NCOA1: variants seen among roughly 807,000 people sequenced by gnomAD.
NCOA1 encodes nuclear receptor coactivator 1, also known as Hin-2 protein.
In NCOA1, 35 loss-of-function variants were observed where a neutral mutation model predicts 150.9. The observed-to-expected ratio is 0.23, with a 90% CI of 0.18 to 0.31. The LOEUF is 0.31. NCOA1 is among the 10% of genes least tolerant of loss of function. The pLI is 1.00. For synonymous variants in NCOA1, 590 were observed against 630.0 expected (o/e 0.94, Z 0.95); for missense variants, 1,491 against 1,749.3 (o/e 0.85, Z 2.63).
At chr2:24,523,152 T>C (rs993190196) in intron 1 of NCOA1, among the ~76,000 whole-genome samples, 1 of 152,248 alleles carries the variant, frequency 6.6e-6, no homozygotes, top group Non-Finnish European at 1.5e-5. Flanking sequence ...CTTCATGGAC[T>C]GTGTCCTTCG....
intron 2 of NCOA1, among the ~76,000 whole-genome samples, chr2:24,576,159 T>TG (rs202082395): frequency 0.038 from 3,631 of 94,514 alleles, 129 homozygotes; most frequent in African/African-American, 0.051. Context: ...GTTTTTTTTT[T>TG]TTTGTTTTTT....
intron 3 of NCOA1, among the ~76,000 whole-genome samples, chr2:24,595,796 G>T (rs765658495): frequency 1.3e-5 from 2 of 152,090 alleles, no homozygotes; most frequent in Non-Finnish European, 2.9e-5. Context: ...GCAGGTATTA[G>T]TATTTGAATA....
At chr2:24,661,002 A>G (rs1362294590) in intron 5 of NCOA1, among the ~76,000 whole-genome samples, 1 of 152,128 alleles carries the variant, frequency 6.6e-6, no homozygotes, top group Non-Finnish European at 1.5e-5. Flanking sequence ...TGGAGGTTGC[A>G]GTGAGCCAAA....
chr2:24,650,470 G>A (rs1354926114), intron 4 of NCOA1, among the ~76,000 whole-genome samples: 1 of 152,048 alleles, frequency 6.6e-6, no homozygotes, highest in Admixed American at 6.6e-5. Flanking sequence ...ATACTGTAAA[G>A]AAAATGAAAA....
intron 1 of NCOA1, among the ~76,000 whole-genome samples, chr2:24,552,712 A>G (rs1185954604): frequency 1.3e-5 from 2 of 151,870 alleles, no homozygotes; most frequent in East Asian, 3.9e-4. Flanking sequence ...ATTTTGTTAT[A>G]TTCTATCTCT....
intron 19 of NCOA1, among the ~76,000 whole-genome samples, chr2:24,751,564 CAG>C (rs1664242369): frequency 6.8e-6 from 1 of 148,012 alleles, no homozygotes; most frequent in Admixed American, 6.7e-5. Flanking sequence ...GCCTGGGTGA[CAG>C]AGCAAGACTC....
chr2:24,555,025 A>AC (rs1411532582), intron 1 of NCOA1, among the ~76,000 whole-genome samples: 6 of 152,228 alleles, frequency 3.9e-5, no homozygotes, highest in South Asian at 2.1e-4. Context: ...ACAGACACAC[A>AC]CGAGGAGTTT....
At chr2:24,727,583 G>A (rs553627730) in intron 15 of NCOA1, among the ~76,000 whole-genome samples, 2 of 152,254 alleles carry the variant, frequency 1.3e-5, no homozygotes, top group Non-Finnish European at 2.9e-5. Context: ...GTGGTTTAGC[G>A]CCTTAACTAT....
chr2:24,609,687 G>A (rs1668534786), intron 3 of NCOA1, among the ~76,000 whole-genome samples: 1 of 151,234 alleles, frequency 6.6e-6, no homozygotes, highest in South Asian at 2.1e-4. Context: ...TTGTGCATTT[G>A]ATTTCTGTTT....
intron 2 of NCOA1, among the ~76,000 whole-genome samples, chr2:24,569,803 G>T (rs1666665980): frequency 6.7e-6 from 1 of 149,972 alleles, no homozygotes; most frequent in Admixed American, 6.6e-5. Flanking sequence ...CCTGGGGGCG[G>T]AGGTTGCAGT....
chr2:24,495,292 T>G (rs931595041), intron 1 of NCOA1, among the ~76,000 whole-genome samples: 1 of 152,178 alleles, frequency 6.6e-6, no homozygotes, highest in Non-Finnish European at 1.5e-5. Context: ...GTATCCATGC[T>G]TCTTCCCCCA....
At chr2:24,761,710 T>C (rs1664800957) in intron 21 of NCOA1, among the ~76,000 whole-genome samples, 1 of 152,230 alleles carries the variant, frequency 6.6e-6, no homozygotes, top group South Asian at 2.1e-4. Flanking sequence ...TTTATATTCC[T>C]ACAAATATTC....
intron 17 of NCOA1, among the ~76,000 whole-genome samples, chr2:24,738,286 T>C (rs1663428382): frequency 6.6e-6 from 1 of 151,344 alleles, no homozygotes; most frequent in Admixed American, 6.6e-5. Flanking sequence ...ATTTATGATA[T>C]ATAAGTATAT....
intron 7 of NCOA1, among the ~76,000 whole-genome samples, chr2:24,677,620 C>T (rs1364553702): frequency 3.3e-5 from 5 of 152,094 alleles, no homozygotes; most frequent in Admixed American, 6.5e-5. Flanking sequence ...AATGGGGTTT[C>T]GCCATGTTGG....
intron 2 of NCOA1, among the ~76,000 whole-genome samples, chr2:24,584,217 A>C (rs1667309806): frequency 6.6e-6 from 1 of 152,162 alleles, no homozygotes; most frequent in African/African-American, 2.4e-5. Flanking sequence ...ATAAAAAAGA[A>C]GTATTTTGTA....
intron 3 of NCOA1, among the ~76,000 whole-genome samples, chr2:24,590,296 A>G (rs1371179969): frequency 1.3e-5 from 2 of 152,210 alleles, no homozygotes; most frequent in Admixed American, 1.3e-4. Context: ...ATGAGAGCAT[A>G]TCTACTCTCA....
At position 24,593,020 on chromosome 2, in the gene NCOA1, G is replaced by T. The variant is rs569838125; in HGVS notation, c.-175+8460G>T. 2.0e-4 allele frequency among the ~76,000 whole-genome samples: 31 copies of T among 152,178 alleles called. 1 individual carries two copies. The highest frequency in any genetic ancestry group is 7.5e-4 in the African/African-American group (31 of 41,538). ...ACATTTGGGGTTCAAGATGGATGAAGTCGTGAAGTTGTAGCTTTGAATTAA... is the reference window on the plus strand; with the variant it reads ...ACATTTGGGGTTCAAGATGGATGAATTCGTGAAGTTGTAGCTTTGAATTAA... On this transcript the variant is annotated intron_variant, in intron 3 of 22. Transcript: ENST00000348332.
At chr2:24,758,268 C>A (rs1475576670) in intron 21 of NCOA1, 112 bp downstream of exon 21, 6 of 1,066,428 alleles carry the variant, frequency 5.6e-6, no homozygotes, top group African/African-American at 1.6e-5. Flanking sequence ...TTTATTCTTT[C>A]CCACTAACTT....
intron 3 of NCOA1, among the ~76,000 whole-genome samples, chr2:24,636,678 T>TTTA (rs1488454980): frequency 6.6e-6 from 1 of 152,198 alleles, no homozygotes; most frequent in African/African-American, 2.4e-5. Flanking sequence ...AGAGTGAACA[T>TTTA]TCTTGACTTG....
Sources: gnomAD v4.1 joint callset for allele counts (sites outside exome capture counted in the v4.1 genomes callset) on GRCh38, gnomAD v4.1.1 for gene constraint, MANE v1.5 for transcripts, NCBI Gene and HGNC (gene_info 2026-07-23, HGNC 2026-07-21) for gene names.